LMLN: variants seen among roughly 807,000 people sequenced by gnomAD.
The protein encoded by LMLN is leishmanolysin like peptidase, also known as leishmanolysin-like peptidase.
LMLN carries 70 observed loss-of-function variants against 92.3 expected under a neutral mutation model. The observed-to-expected ratio is 0.76, with a 90% CI of 0.63 to 0.92. LMLN has a LOEUF of 0.92. LMLN is among the 40% of genes least tolerant of loss of function. The probability of loss-of-function intolerance (pLI) is 0.00; values close to 1 mark genes in which losing one functional copy is unlikely to be tolerated. For missense variants in LMLN, 691 were observed against 814.6 expected, an observed-to-expected ratio of 0.85 and a Z score of 1.85; for synonymous variants, 308 against 296.2, an observed-to-expected ratio of 1.04 and a Z score of -0.41.
intron 1 of LMLN, among the ~76,000 whole-genome samples, chr3:197,973,017 A>G (rs1204493752): frequency 6.6e-6 from 1 of 152,176 alleles, no homozygotes. Context: ...TCCAAGAGAC[A>G]CAGATTAGGT....
chr3:197,962,857 G>T (rs1390316602), intron 1 of LMLN, among the ~76,000 whole-genome samples: 1 of 147,370 alleles, frequency 6.8e-6, no homozygotes. Flanking sequence ...TATTGTTATT[G>T]TAAGCATTCC....
At chr3:197,975,200 C>G (rs951151255) in intron 3 of LMLN, 128 bp downstream of exon 3, 22 of 540,348 alleles carry the variant, frequency 4.1e-5, no homozygotes, top group Non-Finnish European at 6.9e-5. Context: ...AGTGAAAGTG[C>G]TGATCATTTC....
At chr3:197,972,339 C>T (rs979279563) in intron 1 of LMLN, among the ~76,000 whole-genome samples, 7 of 152,200 alleles carry the variant, frequency 4.6e-5, no homozygotes, top group African/African-American at 1.2e-4. Flanking sequence ...GCTGGGATTA[C>T]AGGCATGAGC....
At chr3:198,026,264 G>A (rs894087799) in intron 14 of LMLN, among the ~76,000 whole-genome samples, 1 of 150,198 alleles carries the variant, frequency 6.7e-6, no homozygotes, top group Non-Finnish European at 1.5e-5. Flanking sequence ...CCTGGTAATA[G>A]CACTATCAAG....
At chr3:197,985,390 T>TACACACACACACAC (rs142039210) in intron 7 of LMLN, among the ~76,000 whole-genome samples, 3 of 142,402 alleles carry the variant, frequency 2.1e-5, no homozygotes, top group African/African-American at 7.8e-5. Context: ...TTTCATAATG[T>TACACACACACACAC]ACACACACAC....
chr3:198,019,791 C>T lies in LMLN; in HGVS notation c.1365+406C>T, dbSNP rs990384280. 1.3e-5 allele frequency among the ~76,000 whole-genome samples: 2 copies of T among 152,186 alleles called. No individual in the cohort carries two copies. Among genetic ancestry groups the T allele is most frequent in the African/African-American group, 4.8e-5 (2 of 41,448 alleles). On this transcript the variant is annotated intron_variant, in intron 12 of 15. Coordinates refer to ENST00000330198, the Ensembl canonical transcript of LMLN. This position sits in a 1 kb window ranked among gnomAD's most constrained non-coding sequence, Gnocchi z 5.5. Reference sequence around the variant, plus strand: ...TTGGAAAAGATTTGATTCATGGGATCTGAAAGATTAAGGAAATGGTCCCAC... The same window carrying T: ...TTGGAAAAGATTTGATTCATGGGATTTGAAAGATTAAGGAAATGGTCCCAC...
intron 6 of LMLN, 135 bp downstream of exon 6, chr3:197,980,639 CT>C: frequency 2.4e-6 from 2 of 831,278 alleles, no homozygotes; most frequent in Non-Finnish European, 3.8e-6. Context: ...AGCATGCTGC[CT>C]GGGTTTGGAG....
intron 11 of LMLN, among the ~76,000 whole-genome samples, chr3:198,010,929 T>C (rs1240024079): frequency 6.6e-6 from 1 of 152,200 alleles, no homozygotes; most frequent in Non-Finnish European, 1.5e-5. Context: ...AAAATTTTTC[T>C]TTGAGATTCT....
chr3:197,996,034 C>T (rs1722007869), intron 9 of LMLN, 141 bp from the exon 10 acceptor site: 2 of 431,620 alleles, frequency 4.6e-6, no homozygotes, highest in African/African-American at 2.1e-5. Flanking sequence ...TATTAAAAAC[C>T]ATATTTTAAA....
chr3:198,003,080 T>C (rs1347187871), intron 11 of LMLN: 1 of 1,551,618 alleles, frequency 6.4e-7, no homozygotes, highest in Non-Finnish European at 8.7e-7. Context: ...GGCTGTGACT[T>C]TGTCAGGAAG....
intron 11 of LMLN, among the ~76,000 whole-genome samples, chr3:198,011,369 C>A (rs1035399443): frequency 1.3e-5 from 2 of 149,876 alleles, no homozygotes; most frequent in Non-Finnish European, 3.0e-5. Context: ...TGAGAACATG[C>A]GGTGTTTGTT....
chr3:197,983,988 C>T lies in LMLN; in HGVS notation c.774C>T (p.Thr258=), dbSNP rs200902786. ...ACCTGTGTCCAAATATGATCTCTACCCAGCCTCAGGAGTTTGTTGGGATGC... is the reference window on the plus strand; with the variant it reads ...ACCTGTGTCCAAATATGATCTCTACTCAGCCTCAGGAGTTTGTTGGGATGC... The change falls in exon 7 of 16, where the codon ACC becomes ACT. Residue 258 remains threonine, a synonymous_variant. Coordinates refer to ENST00000330198, the Ensembl canonical transcript of LMLN. 107 of 1,613,562 alleles carry T rather than the reference C, an allele frequency of 6.6e-5. 1 individual carries two copies. Among genetic ancestry groups the T allele is most frequent in the Non-Finnish European group, 1.4e-5 (17 of 1,179,758 alleles).
chr3:198,028,162 A>G (rs531125594), intron 14 of LMLN, among the ~76,000 whole-genome samples: 27 of 152,090 alleles, frequency 1.8e-4, no homozygotes, highest in African/African-American at 6.5e-4. Context: ...ATCATCATCC[A>G]AAGTCCATGT....
intron 14 of LMLN, among the ~76,000 whole-genome samples, chr3:198,030,862 C>T (rs543376577): frequency 1.6e-3 from 238 of 152,222 alleles, no homozygotes; most frequent in African/African-American, 5.4e-3. Flanking sequence ...CTGCTGACAG[C>T]GTGGGAAGGC....
chr3:197,973,940 T>C (rs1721298733), intron 1 of LMLN, among the ~76,000 whole-genome samples: 1 of 152,202 alleles, frequency 6.6e-6, no homozygotes, highest in African/African-American at 2.4e-5. Flanking sequence ...GAAAAAATCA[T>C]GTAAATAGTA....
At chr3:197,961,644 G>A (rs903627678) in intron 1 of LMLN, among the ~76,000 whole-genome samples, 2 of 152,052 alleles carry the variant, frequency 1.3e-5, no homozygotes, top group Non-Finnish European at 2.9e-5. Context: ...ATACCCTGTC[G>A]TCCTCACTAT....
intron 11 of LMLN, among the ~76,000 whole-genome samples, chr3:198,008,511 A>G (rs923748599): frequency 1.8e-4 from 27 of 152,186 alleles, no homozygotes; most frequent in Admixed American, 1.7e-3. Flanking sequence ...TGATTGCTTG[A>G]GCCCAGGAGT....
exon 16 of LMLN, chr3:198,043,216 T>G (rs1340254882): frequency 6.6e-6 from 1 of 152,296 alleles, no homozygotes; most frequent in African/African-American, 2.4e-5. Flanking sequence ...TCTAATACCC[T>G]CTGACTAACA....
chr3:197,999,188 T>G, intron 10 of LMLN, 78 bp from the exon 11 acceptor site: 1 of 976,258 alleles, frequency 1.0e-6, no homozygotes, highest in Non-Finnish European at 1.7e-6. Context: ...ATTTTAAATA[T>G]GTATATCAGA....
Sources: gnomAD v4.1 joint callset for allele counts (sites outside exome capture counted in the v4.1 genomes callset) on GRCh38, gnomAD v4.1.1 for gene constraint, Gnocchi (gnomAD v3.1) non-coding constraint, MANE v1.5 for transcripts, NCBI Gene and HGNC (gene_info 2026-07-23, HGNC 2026-07-21) for gene names.